Variants in SORCS3 observed in about 807,000 individuals in gnomAD.
SORCS3 encodes the protein sortilin related VPS10 domain containing receptor 3.
A neutral mutation model predicts 146.3 loss-of-function variants in SORCS3; 57 were observed. That is an observed-to-expected ratio of 0.39 (90% confidence interval 0.31 to 0.49). The LOEUF is 0.49. Ranked by LOEUF, SORCS3 falls within the 20% of genes least tolerant of loss-of-function variation. SORCS3 has a pLI of 0.92. For missense variants in SORCS3, 1,341 were observed against 1,575.5 expected, an observed-to-expected ratio of 0.85 and a Z score of 2.52; for synonymous variants, 653 against 618.5, an observed-to-expected ratio of 1.06 and a Z score of -0.83.
chr10:105,226,906 G>T (rs1340280939), intron 20 of SORCS3, among the ~76,000 whole-genome samples: 2 of 151,572 alleles, frequency 1.3e-5, no homozygotes, highest in Admixed American at 6.6e-5. Context: ...CAGTTGCAAT[G>T]CCTCCTTTTC....
chr10:104,649,115 T>C (rs2015529682), intron 1 of SORCS3, among the ~76,000 whole-genome samples: 1 of 152,162 alleles, frequency 6.6e-6, no homozygotes, highest in African/African-American at 2.4e-5. Context: ...CTTGTGTGAA[T>C]TCATATTTGT....
At chr10:105,148,742 A>G (rs1002247479) in intron 9 of SORCS3, among the ~76,000 whole-genome samples, 3 of 152,058 alleles carry the variant, frequency 2.0e-5, no homozygotes, top group Non-Finnish European at 4.4e-5. Flanking sequence ...GAGTGGCTAC[A>G]TGCATGGGTT....
chr10:105,163,883 TACACACACAC>T lies in SORCS3; in HGVS notation c.1733-391_1733-382del, dbSNP rs67886313. 3.6e-3 allele frequency among the ~76,000 whole-genome samples: 494 copies of T among 138,700 alleles called. 8 individuals carry two copies. The East Asian group carries it at 0.048, about 13-fold the overall frequency. The allele number at this position is 138,700 out of a possible 152,430, so 91.0% of individuals were successfully genotyped here. On this transcript the variant is annotated intron_variant, in intron 11 of 26. Transcript: ENST00000369701. Reference sequence around the variant, plus strand: ...ACACACAGACACACAGTTACGCACATACACACACACACACACACACACACACACACACACA... The same window carrying T: ...ACACACAGACACACAGTTACGCACATACACACACACACACACACACACACA...
intron 1 of SORCS3, among the ~76,000 whole-genome samples, chr10:104,757,069 T>G (rs2017061790): frequency 5.6e-5 from 2 of 35,796 alleles, no homozygotes; most frequent in African/African-American, 8.4e-5. Flanking sequence ...GTTAAGGGTT[T>G]TTTTTTTTTT....
At chr10:105,075,241 G>A (rs2055581314) in intron 5 of SORCS3, among the ~76,000 whole-genome samples, 1 of 152,162 alleles carries the variant, frequency 6.6e-6, no homozygotes, top group Non-Finnish European at 1.5e-5. Flanking sequence ...AGTCAGCAGA[G>A]CCCAGGGTGA....
chr10:104,801,089 G>A (rs2017618728), intron 1 of SORCS3, among the ~76,000 whole-genome samples: 1 of 152,140 alleles, frequency 6.6e-6, no homozygotes, highest in Non-Finnish European at 1.5e-5. Flanking sequence ...CAGCTTTATT[G>A]TAAATGGTAA....
At chr10:104,874,470 A>G (rs2018550309) in intron 2 of SORCS3, among the ~76,000 whole-genome samples, 1 of 152,158 alleles carries the variant, frequency 6.6e-6, no homozygotes, top group African/African-American at 2.4e-5. Context: ...ATGCCTTTCC[A>G]ACGTGTACTA....
intron 1 of SORCS3, among the ~76,000 whole-genome samples, chr10:104,750,959 C>T (rs761809143): frequency 3.9e-5 from 6 of 152,036 alleles, no homozygotes; most frequent in Non-Finnish European, 5.9e-5. Flanking sequence ...TTCGGAATAT[C>T]GTGTCTATAA....
At chr10:105,107,174 C>G (rs2055828115) in intron 7 of SORCS3, among the ~76,000 whole-genome samples, 1 of 152,198 alleles carries the variant, frequency 6.6e-6, no homozygotes, top group African/African-American at 2.4e-5. Context: ...CCAGGTCAGT[C>G]AAAGTCAGTC....
chr10:104,855,308 C>A (rs1241436689), intron 2 of SORCS3, among the ~76,000 whole-genome samples: 1 of 152,230 alleles, frequency 6.6e-6, no homozygotes, highest in East Asian at 1.9e-4. Context: ...AGGGCCTGTG[C>A]TTTTCTGTAT....
intron 25 of SORCS3, among the ~76,000 whole-genome samples, chr10:105,258,274 A>G (rs2056942273): frequency 6.6e-6 from 1 of 152,198 alleles, no homozygotes; most frequent in African/African-American, 2.4e-5. Context: ...GTTAACCCAC[A>G]TACCCCTGTT....
At chr10:104,960,225 A>G (rs1211876664) in intron 3 of SORCS3, among the ~76,000 whole-genome samples, 2 of 152,126 alleles carry the variant, frequency 1.3e-5, no homozygotes, top group Non-Finnish European at 2.9e-5. Context: ...GGATATTTCT[A>G]AGTATATTTA....
chr10:104,746,312 A>AT (rs1463824098), intron 1 of SORCS3, among the ~76,000 whole-genome samples: 1 of 151,752 alleles, frequency 6.6e-6, no homozygotes, highest in Non-Finnish European at 1.5e-5. Context: ...AATTTTTTGT[A>AT]TTTTTAGTAG....
chr10:105,109,664 C>A (rs1474060278), intron 7 of SORCS3, among the ~76,000 whole-genome samples: 1 of 152,056 alleles, frequency 6.6e-6, no homozygotes, highest in Admixed American at 6.6e-5. Context: ...TGTTACTATT[C>A]AGACCAGTCT....
intron 1 of SORCS3, among the ~76,000 whole-genome samples, chr10:104,711,975 C>T (rs117492835): frequency 6.0e-4 from 91 of 152,314 alleles, no homozygotes; most frequent in Non-Finnish European, 1.0e-3. Flanking sequence ...GTTTCTATGG[C>T]ACCCTTCCAA....
intron 7 of SORCS3, among the ~76,000 whole-genome samples, chr10:105,120,013 G>A (rs1250338395): frequency 1.3e-5 from 2 of 152,152 alleles, no homozygotes; most frequent in Non-Finnish European, 2.9e-5. Flanking sequence ...GATGTGGTTT[G>A]ACTGTGTCTT....
intron 1 of SORCS3, among the ~76,000 whole-genome samples, chr10:104,668,187 A>G (rs1256211698): frequency 2.0e-5 from 3 of 152,184 alleles, no homozygotes; most frequent in Non-Finnish European, 4.4e-5. Context: ...GTGCACGCGC[A>G]ATAGTAAACC....
At chr10:105,114,013 T>C (rs768270181) in intron 7 of SORCS3, among the ~76,000 whole-genome samples, 4 of 152,176 alleles carry the variant, frequency 2.6e-5, no homozygotes, top group Non-Finnish European at 4.4e-5. Context: ...GCGTTTCTAG[T>C]GATTATCCTG....
chr10:104,641,511 C>T lies in SORCS3; in HGVS notation c.184C>T (p.Arg62Trp). 1 of 1,473,930 alleles carries T rather than the reference C, an allele frequency of 6.8e-7. No homozygotes were observed. The highest frequency in any genetic ancestry group is 8.9e-7 in the Non-Finnish European group (1 of 1,121,186). The allele number at this position is 1,473,930 out of a possible 1,614,324, so 91.3% of individuals were successfully genotyped here. ...RPPALSPLSP[R>W]AVASQWPEEL... ...ACCGGCGTTGTCTCCACTCTCGCCG[C>T]GGGCAGTGGCCAGCCAGTGGCCGGA... The change falls in exon 1 of 27, where the codon CGG becomes TGG. Residue 62 changes from arginine to tryptophan, a missense_variant. Arg to Trp is a moderately radical substitution (Grantham distance 101). Coordinates refer to ENST00000369701, the MANE Select transcript of SORCS3 (RefSeq NM_014978.3). This position sits in a 1 kb window ranked among gnomAD's most constrained non-coding sequence, Gnocchi z 6.4.
Sources: gnomAD v4.1 joint callset for allele counts (sites outside exome capture counted in the v4.1 genomes callset) on GRCh38, gnomAD v4.1.1 for gene constraint, Gnocchi (gnomAD v3.1) non-coding constraint, MANE v1.5 for transcripts, NCBI Gene and HGNC (gene_info 2026-07-23, HGNC 2026-07-21) for gene names.